The following ZNF394 variants were observed in gnomAD, a reference collection of about 807,000 sequenced individuals.
The protein encoded by ZNF394 is zinc finger protein 394, also known as zinc finger protein 99.
Under a neutral mutation model 21.8 loss-of-function variants are expected in ZNF394, and 19 were observed. The ratio of observed to expected loss-of-function variants is 0.87; its 90% confidence interval spans 0.61 to 1.28. The LOEUF (loss-of-function observed/expected upper bound fraction) is 1.28. Among genes scored for constraint, ZNF394 ranks in the 50% most tolerant of loss-of-function variants. The pLI, the probability that ZNF394 is intolerant of heterozygous loss-of-function variation, is 0.00. For synonymous variants in ZNF394, 294 were observed against 273.3 expected (o/e 1.08, Z -0.75); for missense variants, 683 against 708.6 (o/e 0.96, Z 0.41).
At chr7:99,496,452 G>A (rs1055344468) in intron 2 of ZNF394, among the ~76,000 whole-genome samples, 7 of 152,168 alleles carry the variant, frequency 4.6e-5, no homozygotes, top group African/African-American at 1.7e-4. Context: ...AAGACCAGGA[G>A]GCAGCGGGGC....
intron 1 of ZNF394, 137 bp from the exon 2 acceptor site, chr7:99,498,979 C>G: frequency 3.1e-6 from 4 of 1,272,130 alleles, no homozygotes; most frequent in Non-Finnish European, 4.2e-6. Context: ...CCTGAAAAGC[C>G]TTTCTGTGGA....
chr7:99,489,996 C>T (rs1474798178), downstream of ZNF394, among the ~76,000 whole-genome samples: 1 of 151,698 alleles, frequency 6.6e-6, no homozygotes, highest in African/African-American at 2.4e-5. Context: ...CAGAGTGAGA[C>T]CCCGTGTCAA....
chr7:99,497,122 G>GTGTGTGTATATATATATATATA (rs1322382800), intron 2 of ZNF394, among the ~76,000 whole-genome samples: 1 of 79,452 alleles, frequency 1.3e-5, no homozygotes, highest in African/African-American at 7.4e-5. Context: ...GTGTGTGTGT[G>GTGTGTGTATATATATATATATA]TATATATATA....
rs139549797 is a variant in ZNF394, at chr7:99,500,247, G to A, written c.-154C>T. The A allele has an allele frequency of 1.0e-5, 7 of 676,120 alleles. No homozygotes were observed. Among genetic ancestry groups the A allele is most frequent in the Admixed American group, 7.2e-5 (2 of 27,652 alleles). 41.9% of individuals were successfully genotyped at this position (676,120 alleles called of 1,614,324 possible). On this transcript the variant is annotated 5_prime_UTR_variant, in exon 1 of 3. Transcript: ENST00000337673. Reference sequence around the variant, plus strand: ...TCCACACTCTCCTTTCCTCAGCTTTGCGCCTACAACTCTCTCGGTCAAACA... The same window carrying A: ...TCCACACTCTCCTTTCCTCAGCTTTACGCCTACAACTCTCTCGGTCAAACA...
At chr7:99,487,020 G>A (rs768754181) in intron 1 of ZNF394, 7 of 1,613,824 alleles carry the variant, frequency 4.3e-6, no homozygotes, top group African/African-American at 2.7e-5. Flanking sequence ...GGCAGCTCGC[G>A]TATCTTGTTG....
chr7:99,490,972 C>A (rs1438815967), downstream of ZNF394, among the ~76,000 whole-genome samples: 1 of 152,044 alleles, frequency 6.6e-6, no homozygotes, highest in Non-Finnish European at 1.5e-5. Flanking sequence ...CAGACTAGAC[C>A]CGGGGCTCTG....
At chr7:99,499,398 GA>G (rs376340266) in intron 1 of ZNF394, among the ~76,000 whole-genome samples, 1,202 of 103,256 alleles carry the variant, frequency 0.012, 10 homozygotes, top group African/African-American at 0.031. Context: ...AGAACAACAA[GA>G]AAAAAAAAAA....
In ZNF394 at chr7:99,499,822, C is replaced by G. The variant is rs373326846; in HGVS notation, c.272G>C (p.Arg91Pro). Residue 91 changes from arginine to proline, a missense_variant, in exon 1 of 3, where the codon CGG becomes CCG. Physicochemically the swap from Arg to Pro is moderately radical, Grantham distance 103. This residue lies in a region of ZNF394 where 402 missense variants were observed against 373.8 expected (regional missense o/e 1.08). Coordinates refer to ENST00000337673, the MANE Select transcript of ZNF394 (RefSeq NM_032164.4). The part of the protein sequence containing the change: ...ALSRLRELCR[R>P]WLRPELLSKE... Reference sequence around the variant, plus strand: ...GGAGAGCAGCTCGGGTCTCAGCCACCGACGACAGAGTTCTCGGAGCCGGCT... The same window carrying G: ...GGAGAGCAGCTCGGGTCTCAGCCACGGACGACAGAGTTCTCGGAGCCGGCT... 3.7e-6 allele frequency: 6 copies of G among 1,614,082 alleles called. No homozygotes were observed. The highest frequency in any genetic ancestry group is 1.3e-5 in the African/African-American group (1 of 74,948).
Position 99,499,838 on chromosome 7 carries a change from G to C in ZNF394, c.256C>G (p.Arg86Gly), listed in dbSNP as rs1326163404. The C allele has an allele frequency of 6.2e-7, 1 of 1,614,058 alleles. No individual in the cohort carries two copies. Among genetic ancestry groups the C allele is most frequent in the East Asian group, 2.2e-5 (1 of 44,898 alleles). ...AGPEEALSRL[R>G]ELCRRWLRPE... ...CTCAGCCACCGACGACAGAGTTCTC[G>C]GAGCCGGCTCAGCGCCTCTTCCGGT... Residue 86 changes from arginine (R) to glycine (G), a missense_variant, in exon 1 of 3, where the codon CGA becomes GGA. Physicochemically the swap from Arg to Gly is moderately radical, Grantham distance 125. Around this residue, in one of 3 missense-constraint regions of ZNF394, gnomAD observed 402 missense variants for 373.8 expected, o/e 1.08. Transcript: ENST00000337673.
chr7:99,487,426 T>A, intron 1 of ZNF394: 1 of 1,614,210 alleles, frequency 6.2e-7, no homozygotes. Context: ...TGGAAAATCT[T>A]TCAAGTGGCA....
chr7:99,499,071 T>G (rs113912173), intron 1 of ZNF394, among the ~76,000 whole-genome samples: 1,951 of 152,296 alleles, frequency 0.013, 37 homozygotes, highest in African/African-American at 0.044. Context: ...AATGGAAATA[T>G]GATACAGATT....
rs1306094302 is a variant in ZNF394 at position 99,494,649 on chromosome 7, A to G, written c.584-18T>C. 2 of 1,556,932 alleles carry G rather than the reference A, an allele frequency of 1.3e-6. No homozygotes were observed. Among genetic ancestry groups the G allele is most frequent in the Non-Finnish European group, 1.7e-6 (2 of 1,154,888 alleles). ...TTCCAAACCTGAAACGTGAAAATAC[A>G]AATTCCTGCCAGTGCATCCCTGTGC... On this transcript the variant is annotated intron_variant, in intron 2 of 2. Transcript: ENST00000337673.
chr7:99,498,895 A>C, intron 1 of ZNF394, 53 bp from the exon 2 acceptor site: 1 of 1,560,896 alleles, frequency 6.4e-7, no homozygotes, highest in Non-Finnish European at 8.7e-7. Context: ...TACAGCACTA[A>C]CACTCTTCTT....
chr7:99,496,998 C>T (rs1800335640), intron 2 of ZNF394, among the ~76,000 whole-genome samples: 1 of 150,574 alleles, frequency 6.6e-6, no homozygotes, highest in Admixed American at 6.6e-5. Context: ...TCTGTGGGGA[C>T]ACGTTCCAAG....
intron 1 of ZNF394, chr7:99,487,385 C>T: frequency 1.2e-6 from 2 of 1,614,242 alleles, no homozygotes; most frequent in Non-Finnish European, 1.7e-6. Flanking sequence ...GTCATTCACA[C>T]TGGAAGCCAA....
chr7:99,492,442 C>G (rs993605178), downstream of ZNF394, among the ~76,000 whole-genome samples: 1 of 151,784 alleles, frequency 6.6e-6, no homozygotes, highest in African/African-American at 2.4e-5. Flanking sequence ...GAGTTCACCA[C>G]CAGCCTAGGC....
chr7:99,487,551 C>A, intron 1 of ZNF394: 1 of 1,515,122 alleles, frequency 6.6e-7, no homozygotes, highest in Non-Finnish European at 8.9e-7. Flanking sequence ...AAGTGTGTAT[C>A]ACGTAATTGT....
At chr7:99,495,709 CCCCCAG>C (rs1467466422) in intron 2 of ZNF394, among the ~76,000 whole-genome samples, 2 of 152,082 alleles carry the variant, frequency 1.3e-5, no homozygotes, top group Admixed American at 1.3e-4. Flanking sequence ...CAACCTCTGC[CCCCCAG>C]GTTCAAGCAA....
chr7:99,489,350 A>G (rs1800111973), downstream of ZNF394, among the ~76,000 whole-genome samples: 1 of 151,846 alleles, frequency 6.6e-6, no homozygotes, highest in African/African-American at 2.4e-5. Flanking sequence ...GGCCCTGCCG[A>G]AGTCCCTCTG....
Sources: allele counts gnomAD v4.1 joint callset (sites outside exome capture counted in the v4.1 genomes callset), GRCh38; gene constraint gnomAD v4.1.1; regional missense constraint gnomAD v4.1.1; transcripts MANE v1.5; gene names NCBI Gene and HGNC (gene_info 2026-07-23, HGNC 2026-07-21).